OSBPL3: variants seen among roughly 807,000 people sequenced by gnomAD.
OSBPL3 encodes oxysterol-binding protein-related protein 3.
OSBPL3 carries 65 observed loss-of-function variants against 120.1 expected under a neutral mutation model. The ratio of observed to expected loss-of-function variants is 0.54; its 90% CI spans 0.44 to 0.67. The LOEUF is 0.67. Among genes scored for constraint, OSBPL3 ranks in the 30% least tolerant of loss-of-function variants. The pLI, the probability that OSBPL3 is intolerant of heterozygous loss-of-function variation, is 0.00. For missense variants in OSBPL3, 1,004 were observed against 1,082.1 expected (o/e 0.93, Z 1.01); for synonymous variants, 416 against 402.6 (o/e 1.03, Z -0.40).
chr7:24,839,402 T>C (rs756946040), intron 14 of OSBPL3, among the ~76,000 whole-genome samples: 3 of 152,208 alleles, frequency 2.0e-5, no homozygotes, highest in Non-Finnish European at 4.4e-5. Context: ...ACACTCCAGA[T>C]ATTCCACAGT....
intron 1 of OSBPL3, among the ~76,000 whole-genome samples, chr7:24,928,727 T>C (rs1811411437): frequency 6.6e-6 from 1 of 152,242 alleles, no homozygotes; most frequent in African/African-American, 2.4e-5. Context: ...CATCTGGTTT[T>C]ACCTGTTCTA....
rs1795895291 is a variant in OSBPL3, at chr7:24,827,949, T to C, written c.1884+2819A>G. On this transcript the variant is annotated intron_variant, in intron 16 of 22. Transcript: ENST00000313367. The surrounding 1 kb of genome is among the most constrained non-coding windows in gnomAD (Gnocchi z 5.1). ...AACATAAGAAAGTATATATTATAGA[T>C]ATATGCCTTTCTAGTTTTCTTTCAT... Among the ~76,000 whole-genome samples, 1 of 152,222 alleles carries C rather than the reference T, an allele frequency of 6.6e-6. No homozygotes were observed. The highest frequency in any genetic ancestry group is 1.9e-4 in the East Asian group (1 of 5,194).
At chr7:24,866,015 C>T in intron 6 of OSBPL3, 55 bp downstream of exon 6, 2 of 1,442,118 alleles carry the variant, frequency 1.4e-6, no homozygotes, top group Non-Finnish European at 1.9e-6. Flanking sequence ...AGACAGGACT[C>T]CATGAAACAA....
In OSBPL3 at chr7:24,916,660, T is replaced by C. The variant is rs965862366; in HGVS notation, c.-149-24039A>G. 6.6e-6 allele frequency among the ~76,000 whole-genome samples: 1 copy of C among 152,106 alleles called. No individual in the cohort carries two copies. The highest frequency in any genetic ancestry group is 6.6e-5 in the Admixed American group (1 of 15,266). On this transcript the variant is annotated intron_variant, in intron 1 of 22. Coordinates refer to ENST00000313367, the MANE Select transcript of OSBPL3 (RefSeq NM_015550.4). The surrounding 1 kb of genome is among the most constrained non-coding windows in gnomAD (Gnocchi z 4.9). Reference sequence around the variant, plus strand: ...CTGTGTCTCAACTGTTGGAGAAACATTATGTGCCATGCTCTAAGGTGAAAG... The same window carrying C: ...CTGTGTCTCAACTGTTGGAGAAACACTATGTGCCATGCTCTAAGGTGAAAG...
At chr7:24,904,087 T>C (rs542670192) in intron 1 of OSBPL3, among the ~76,000 whole-genome samples, 94 of 152,214 alleles carry the variant, frequency 6.2e-4, no homozygotes, top group African/African-American at 2.2e-3. Context: ...TTCACCATGT[T>C]GGCCAGGCTG....
intron 7 of OSBPL3, among the ~76,000 whole-genome samples, chr7:24,864,369 C>A (rs1055438480): frequency 5.3e-5 from 8 of 152,164 alleles, no homozygotes; most frequent in African/African-American, 9.7e-5. Context: ...TGGGCTCCAC[C>A]CCTAGTTTTT....
chr7:24,807,578 T>C (rs1374564053), intron 20 of OSBPL3, among the ~76,000 whole-genome samples: 53 of 152,296 alleles, frequency 3.5e-4, no homozygotes, highest in Non-Finnish European at 3.4e-4. Flanking sequence ...ATTCTCACTC[T>C]AGAGAATCTG....
rs1336869343 is a variant in OSBPL3, at chr7:24,817,183, C to A, written c.1949-495G>T. On this transcript the variant is annotated intron_variant, in intron 17 of 22. Coordinates refer to ENST00000313367, the MANE Select transcript of OSBPL3 (RefSeq NM_015550.4). The surrounding 1 kb of genome is among the most constrained non-coding windows in gnomAD (Gnocchi z 4.0). ...CACAGTCAAATAGTGTGGTTCTGTC[C>A]TATAGGTCTCAGATTGTCTTATCTA... 6.6e-6 allele frequency among the ~76,000 whole-genome samples: 1 copy of A among 152,130 alleles called. No individual in the cohort carries two copies. The highest frequency in any genetic ancestry group is 1.5e-5 in the Non-Finnish European group (1 of 68,032).
At chr7:24,874,088 CA>C (rs1314577262) in intron 2 of OSBPL3, among the ~76,000 whole-genome samples, 1 of 152,188 alleles carries the variant, frequency 6.6e-6, no homozygotes, top group Non-Finnish European at 1.5e-5. Flanking sequence ...ATCTGATTGG[CA>C]AATGAATAAA....
rs1249111949 is a variant in OSBPL3, at chr7:24,913,020, C to T, written c.-149-20399G>A. 3.9e-5 allele frequency among the ~76,000 whole-genome samples: 6 copies of T among 152,142 alleles called. No individual in the cohort carries two copies. The highest frequency in any genetic ancestry group is 1.3e-4 in the Admixed American group (2 of 15,276). On this transcript the variant is annotated intron_variant, in intron 1 of 22. Transcript: ENST00000313367. The surrounding 1 kb of genome is among the most constrained non-coding windows in gnomAD (Gnocchi z 5.3). ...GAGAGATCCATTCGGAAAAGAATGG[C>T]GACCGCCTCACCTCAGCCGATAACC... is the stretch of plus-strand genomic sequence containing the variant.
chr7:24,875,121 G>A (rs1307782579), intron 2 of OSBPL3, among the ~76,000 whole-genome samples: 1 of 152,218 alleles, frequency 6.6e-6, no homozygotes, highest in Non-Finnish European at 1.5e-5. Flanking sequence ...AGCCATTTCT[G>A]TAAGTGAAAT....
chr7:24,892,868 C>T (rs1805578968), intron 1 of OSBPL3, among the ~76,000 whole-genome samples: 1 of 152,142 alleles, frequency 6.6e-6, no homozygotes, highest in Admixed American at 6.5e-5. Flanking sequence ...TGAGTCCAGA[C>T]ACATACAAAA....
At chr7:24,812,229 C>A (rs879420926) in intron 19 of OSBPL3, among the ~76,000 whole-genome samples, 1 of 149,150 alleles carries the variant, frequency 6.7e-6, no homozygotes, top group Non-Finnish European at 1.5e-5. Context: ...ATCACTTGAA[C>A]CCGGGAGGCG....
intron 1 of OSBPL3, among the ~76,000 whole-genome samples, chr7:24,977,417 G>T (rs1036758688): frequency 6.6e-6 from 1 of 152,210 alleles, no homozygotes; most frequent in African/African-American, 2.4e-5. Context: ...CATCTAATTA[G>T]TGGGGCGAGA....
intron 16 of OSBPL3, among the ~76,000 whole-genome samples, chr7:24,828,298 T>C (rs948345216): frequency 6.6e-6 from 1 of 152,178 alleles, no homozygotes; most frequent in African/African-American, 2.4e-5. Flanking sequence ...ACTCTTACTA[T>C]TCTTAACACT....
At chr7:24,973,704 T>C (rs763722918) in intron 1 of OSBPL3, among the ~76,000 whole-genome samples, 2 of 152,342 alleles carry the variant, frequency 1.3e-5, no homozygotes, top group South Asian at 2.1e-4. Context: ...AGGAATGATA[T>C]TGGAAGGCTA....
chr7:24,883,906 T>C lies in OSBPL3; in HGVS notation c.96+8471A>G, dbSNP rs1804077743. The stretch of plus-strand genomic sequence containing the variant: ...GAAATATATTGAGAGCTCAGTCTTA[T>C]TTCTTCAGCCTTCCTGCCTCTGAGG... On this transcript the variant is annotated intron_variant, in intron 2 of 22. Coordinates refer to ENST00000313367, the MANE Select transcript of OSBPL3 (RefSeq NM_015550.4). This position sits in a 1 kb window ranked among gnomAD's most constrained non-coding sequence, Gnocchi z 5.4. Among the ~76,000 whole-genome samples the C allele has an allele frequency of 6.6e-6, 1 of 152,220 alleles. No homozygotes were observed. The highest frequency in any genetic ancestry group is 6.5e-5 in the Admixed American group (1 of 15,282).
intron 10 of OSBPL3, among the ~76,000 whole-genome samples, chr7:24,857,073 G>T (rs547945210): frequency 1.3e-5 from 2 of 152,116 alleles, no homozygotes; most frequent in Non-Finnish European, 2.9e-5. Flanking sequence ...TATGAAAGAG[G>T]TATCATTGTA....
chr7:24,918,888 G>T lies in OSBPL3; in HGVS notation c.-149-26267C>A, dbSNP rs1810046046. Among the ~76,000 whole-genome samples, 1 of 152,158 alleles carries T rather than the reference G, an allele frequency of 6.6e-6. No individual in the cohort carries two copies. The highest frequency in any genetic ancestry group is 2.1e-4 in the South Asian group (1 of 4,828). On this transcript the variant is annotated intron_variant, in intron 1 of 22. Transcript: ENST00000313367. This position sits in a 1 kb window ranked among gnomAD's most constrained non-coding sequence, Gnocchi z 4.3. ...GCATCCATGAGAAGGGGATAGAAAA[G>T]GCAACAGACATAAATTTTGTAACTA...
Sources: allele counts gnomAD v4.1 joint callset (sites outside exome capture counted in the v4.1 genomes callset), GRCh38; gene constraint gnomAD v4.1.1; non-coding constraint Gnocchi (gnomAD v3.1); transcripts MANE v1.5; gene names NCBI Gene and HGNC (gene_info 2026-07-23, HGNC 2026-07-21).